Variants in RNF17 observed in about 807,000 individuals in gnomAD.
The protein encoded by RNF17 is ring finger protein 17.
In RNF17, 31 loss-of-function variants were observed where a neutral mutation model predicts 200.5. That is an observed-to-expected ratio of 0.15 (90% CI 0.12 to 0.21). RNF17 has a LOEUF of 0.21. Ranked by LOEUF, RNF17 falls within the 10% of genes least tolerant of loss-of-function variation. RNF17 has a pLI of 1.00. For missense variants in RNF17, 1,628 were observed against 1,905.1 expected (o/e 0.85, Z 2.71); for synonymous variants, 606 against 637.8 (o/e 0.95, Z 0.75).
rs1273652402 is a variant in RNF17, at chr13:24,850,408, G to A, written c.3169G>A (p.Ala1057Thr). Residue 1057 changes from alanine (A) to threonine (T), a missense_variant, in exon 23 of 36, where the codon GCT becomes ACT. Physicochemically the swap from Ala to Thr is moderately conservative, Grantham distance 58 (BLOSUM62 0). Coordinates refer to ENST00000255324, the MANE Select transcript of RNF17 (RefSeq NM_031277.3). ...CDCLSLYLTG[A>T]VATIILQVDS... ...CTGTCTTTCATTGTACCTGACTGGA[G>A]CTGTAGCAACTATAATCTTACAGGT... is the stretch of plus-strand genomic sequence containing the variant. 1.9e-6 allele frequency: 3 copies of A among 1,613,136 alleles called. No individual in the cohort carries two copies. Among genetic ancestry groups the A allele is most frequent in the Non-Finnish European group, 2.5e-6 (3 of 1,179,486 alleles).
chr13:24,787,337 T>G (rs1191392588), intron 6 of RNF17, among the ~76,000 whole-genome samples: 1 of 152,212 alleles, frequency 6.6e-6, no homozygotes, highest in Non-Finnish European at 1.5e-5. Flanking sequence ...TGAGAACTGT[T>G]TTTACCATTC....
intron 25 of RNF17, among the ~76,000 whole-genome samples, chr13:24,858,077 C>T (rs9511479): frequency 0.23 from 35,080 of 151,942 alleles, 4,531 homozygotes; most frequent in Non-Finnish European, 0.29. Flanking sequence ...TCAGAATAGT[C>T]GATAACTCTA....
In RNF17 at chr13:24,879,233, A is replaced by T; in HGVS notation, c.4820A>T (p.His1607Leu). 1 of 1,613,962 alleles carries T rather than the reference A, an allele frequency of 6.2e-7. No individual in the cohort carries two copies. Among genetic ancestry groups the T allele is most frequent in the Non-Finnish European group, 8.5e-7 (1 of 1,179,840 alleles). The change falls in exon 35 of 36, where the codon CAT (histidine) becomes CTT (leucine). Residue 1607 changes from histidine to leucine, a missense_variant. His to Leu is a moderately conservative substitution (Grantham distance 99). Around this residue, in one of 5 missense-constraint regions of RNF17, gnomAD observed 609 missense variants for 681.9 expected, o/e 0.89. Coordinates refer to ENST00000255324, the MANE Select transcript of RNF17 (RefSeq NM_031277.3). ...GTGACATTATATGACGATGAACAGC[A>T]TCCAGTTCATATGCCGTTGGTAGAA... ...QIVTLYDDEQ[H>L]PVHMPLVEMG... is the part of the protein sequence containing the mutation.
intron 6 of RNF17, among the ~76,000 whole-genome samples, chr13:24,786,160 C>T (rs943482119): frequency 3.3e-5 from 5 of 151,822 alleles, no homozygotes; most frequent in Non-Finnish European, 5.9e-5. Context: ...ATTTTGATTC[C>T]TTTCTCATTT....
intron 16 of RNF17, among the ~76,000 whole-genome samples, chr13:24,826,818 T>C (rs1888695844): frequency 6.6e-6 from 1 of 151,412 alleles, no homozygotes; most frequent in Non-Finnish European, 1.5e-5. Context: ...CCCAGCACTT[T>C]GGGAGGCCAA....
At chr13:24,834,443 A>AAC (rs1349705193) in intron 18 of RNF17, among the ~76,000 whole-genome samples, 11 of 128,138 alleles carry the variant, frequency 8.6e-5, no homozygotes, top group South Asian at 2.6e-4. Flanking sequence ...AGAACAACAA[A>AAC]AAAGCAACAA....
At chr13:24,789,571 G>A (rs1404754364) in intron 8 of RNF17, 127 bp from the exon 9 acceptor site, 4 of 903,084 alleles carry the variant, frequency 4.4e-6, no homozygotes, top group Non-Finnish European at 7.1e-6. Flanking sequence ...AGTGTAATTT[G>A]TGCTAACTTA....
Position 24,877,098 on chromosome 13 carries a change from G to T in RNF17, c.4685G>T (p.Arg1562Ile). 6.2e-7 allele frequency: 1 copy of T among 1,613,506 alleles called. No individual in the cohort carries two copies. Among genetic ancestry groups the T allele is most frequent in the Non-Finnish European group, 8.5e-7 (1 of 1,179,672 alleles). Residue 1562 changes from arginine to isoleucine, a missense_variant, in exon 34 of 36, where the codon AGA (arginine) becomes ATA (isoleucine). Around this residue, in one of 5 missense-constraint regions of RNF17, gnomAD observed 609 missense variants for 681.9 expected, o/e 0.89. Coordinates refer to ENST00000255324, the MANE Select transcript of RNF17 (RefSeq NM_031277.3). The stretch of plus-strand genomic sequence containing the variant: ...CCCTTAAGGGATCTAGGGGAGACAA[G>T]AATACCATATTGTCCCAAATGGAGC... ...KPPLRDLGETRIPYCPKWSME... is the reference protein window; with the variant it reads ...KPPLRDLGETIIPYCPKWSME...
intron 1 of RNF17, among the ~76,000 whole-genome samples, chr13:24,765,905 T>C (rs780905899): frequency 5.3e-5 from 8 of 152,228 alleles, no homozygotes; most frequent in Non-Finnish European, 8.8e-5. Context: ...TTCAGTTGGA[T>C]AGGAAACTTG....
At chr13:24,806,665 T>C (rs1415055847) in intron 15 of RNF17, among the ~76,000 whole-genome samples, 2 of 152,144 alleles carry the variant, frequency 1.3e-5, no homozygotes, top group Admixed American at 6.5e-5. Flanking sequence ...ATTATTATTA[T>C]ACTTTAAGTT....
At chr13:24,757,513 G>A in the RNF17 span, among the ~76,000 whole-genome samples, 1 of 151,884 alleles carries the variant, frequency 6.6e-6, no homozygotes, top group East Asian at 1.9e-4. Flanking sequence ...TAATAGAGAC[G>A]GGGTTTCACC....
At chr13:24,871,154 G>T (rs1272967176) in intron 32 of RNF17, among the ~76,000 whole-genome samples, 1 of 152,154 alleles carries the variant, frequency 6.6e-6, no homozygotes, top group Non-Finnish European at 1.5e-5. Context: ...GTCAAGACAG[G>T]TCAGATTTCT....
intron 6 of RNF17, among the ~76,000 whole-genome samples, chr13:24,784,143 T>G (rs1262771619): frequency 6.6e-6 from 1 of 152,250 alleles, no homozygotes; most frequent in African/African-American, 2.4e-5. Context: ...TGCTTTTTTC[T>G]TTTAATGTGG....
chr13:24,758,264 T>C, the RNF17 span, among the ~76,000 whole-genome samples: 1 of 152,212 alleles, frequency 6.6e-6, no homozygotes, highest in African/African-American at 2.4e-5. Flanking sequence ...TGCCCTTTAT[T>C]CTTTATTGAT....
Position 24,800,549 on chromosome 13 carries a change from A to G in RNF17, c.1758+15A>G. On this transcript the variant is annotated intron_variant, in intron 13 of 35. Transcript: ENST00000255324. ...CACAGAATTCAGTAAGTGAGACTTTAATTATTTTTTCCTTCAGAGGTTATT... is the reference window on the plus strand; with the variant it reads ...CACAGAATTCAGTAAGTGAGACTTTGATTATTTTTTCCTTCAGAGGTTATT... 6.2e-7 allele frequency: 1 copy of G among 1,607,196 alleles called. No homozygotes were observed.
intron 16 of RNF17, 51 bp downstream of exon 16, chr13:24,825,823 A>G (rs767300058): frequency 1.0e-4 from 163 of 1,559,604 alleles, no homozygotes; most frequent in East Asian, 2.5e-4. Flanking sequence ...TTCAAAACTA[A>G]TATCATTTGA....
rs1891043112 is a variant in RNF17, at chr13:24,844,619, G to A, written c.2832-33G>A. The A allele has an allele frequency of 4.7e-6, 7 of 1,493,462 alleles. No homozygotes were observed. In the East Asian group the frequency reaches 1.6e-4, roughly 34 times the overall value. 92.5% of individuals were successfully genotyped at this position (1,493,462 alleles called of 1,614,324 possible). On this transcript the variant is annotated intron_variant, in intron 20 of 35. Transcript: ENST00000255324. ...TAGCCAGAGAATTATATAAGAAAAG[G>A]TTTGGAAAGTTAAATATTTTTTATC...
At chr13:24,831,822 AT>A (rs1415306535) in intron 17 of RNF17, 35 bp from the exon 18 acceptor site, 4 of 1,571,186 alleles carry the variant, frequency 2.5e-6, no homozygotes, top group South Asian at 1.2e-5. Flanking sequence ...TAGAAATTAA[AT>A]TTTTTTCTTA....
Position 24,854,069 on chromosome 13 carries a change from A to G in RNF17, c.3535A>G (p.Asn1179Asp). ...AGGGTATAAGCCACCAGCTATTCCT[A>G]ACATGAACGTATTTGAGGCAACAGT... ...TRGYKPPAIP[N>D]MNVFEATVSC... The change falls in exon 25 of 36, where the codon AAC becomes GAC. Residue 1179 changes from asparagine to aspartate, a missense_variant. By Grantham distance (23) the Asn-to-Asp change is conservative. This residue lies in a region of RNF17 where 609 missense variants were observed against 681.9 expected (regional missense o/e 0.89). Transcript: ENST00000255324. The G allele has an allele frequency of 6.2e-7, 1 of 1,613,992 alleles. No homozygotes were observed. The highest frequency in any genetic ancestry group is 8.5e-7 in the Non-Finnish European group (1 of 1,179,878).
Sources: gnomAD v4.1 joint callset for allele counts (sites outside exome capture counted in the v4.1 genomes callset) on GRCh38, gnomAD v4.1.1 for gene constraint, gnomAD v4.1.1 regional missense constraint, MANE v1.5 for transcripts, NCBI Gene and HGNC (gene_info 2026-07-23, HGNC 2026-07-21) for gene names.